The following SEMA3A variants were observed in gnomAD, a reference collection of about 807,000 sequenced individuals.
SEMA3A encodes semaphorin 3A.
Under a neutral mutation model 97.9 loss-of-function variants are expected in SEMA3A, and 29 were observed. The observed-to-expected ratio is 0.30, with a 90% CI of 0.22 to 0.40. SEMA3A has a LOEUF of 0.40. Among genes scored for constraint, SEMA3A ranks in the 10% least tolerant of loss-of-function variants. SEMA3A has a pLI of 1.00. For synonymous variants in SEMA3A, 321 were observed against 323.7 expected, an observed-to-expected ratio of 0.99 and a Z score of 0.09; for missense variants, 763 against 951.3, an observed-to-expected ratio of 0.80 and a Z score of 2.60.
chr7:84,415,234 T>TA (rs1477411832), intron 1 of SEMA3A, among the ~76,000 whole-genome samples: 1 of 152,070 alleles, frequency 6.6e-6, no homozygotes, highest in Non-Finnish European at 1.5e-5. Flanking sequence ...AAATCTGTGT[T>TA]AAAAAATCTG....
chr7:84,463,450 G>C (rs190052327), intron 1 of SEMA3A, among the ~76,000 whole-genome samples: 1 of 151,654 alleles, frequency 6.6e-6, no homozygotes, highest in Middle Eastern at 3.4e-3. Flanking sequence ...GGGTTTCACC[G>C]TGTTAGCCAG....
At chr7:84,316,130 CAAAAAAAAAAAAAAAAA>C (rs202005657) in intron 2 of SEMA3A, among the ~76,000 whole-genome samples, 3 of 30,226 alleles carry the variant, frequency 9.9e-5, no homozygotes, top group Non-Finnish European at 2.2e-4. Context: ...GACTCTATCT[CAAAAAAAAAAAAAAAAA>C]AAAAAAAAAA....
intron 12 of SEMA3A, among the ~76,000 whole-genome samples, chr7:83,990,934 A>T (rs1488340317): frequency 6.6e-6 from 1 of 152,106 alleles, no homozygotes; most frequent in African/African-American, 2.4e-5. Context: ...CACGATATTG[A>T]TTCTTCCTAC....
intron 3 of SEMA3A, among the ~76,000 whole-genome samples, chr7:84,268,262 T>C (rs1046418237): frequency 7.3e-5 from 11 of 150,546 alleles, no homozygotes; most frequent in Non-Finnish European, 1.5e-4. Flanking sequence ...TGTGTGTGTG[T>C]GTGTGTGTGT....
chr7:84,186,383 C>T (rs191238217), intron 1 of SEMA3A, among the ~76,000 whole-genome samples: 73 of 152,196 alleles, frequency 4.8e-4, no homozygotes, highest in South Asian at 1.7e-3. Flanking sequence ...AATAATGGTG[C>T]TTTTGTAAAT....
rs192042721 is a variant in SEMA3A at position 84,203,959 on chromosome 7, A to G, written c.-82-9291T>C. Among the ~76,000 whole-genome samples the G allele has an allele frequency of 1.4e-3, 218 of 152,254 alleles. 1 individual carries two copies. The highest frequency in any genetic ancestry group is 5.2e-3 in the African/African-American group (215 of 41,542). On this transcript the variant is annotated intron_variant, in intron 3 of 3. Coordinates refer to the SEMA3A transcript ENST00000424555. The stretch of plus-strand genomic sequence containing the variant: ...ACTACATTATAGTTCACAAAACAAA[A>G]TATGTTTAGTTTCTCCTTCAAAACA...
intron 1 of SEMA3A, among the ~76,000 whole-genome samples, chr7:84,411,776 T>A (rs967634616): frequency 9.2e-5 from 14 of 152,246 alleles, no homozygotes; most frequent in African/African-American, 3.4e-4. Flanking sequence ...AACAACAGTT[T>A]AGATTCAGGT....
chr7:84,199,729 C>CT (rs893750895), upstream of SEMA3A, among the ~76,000 whole-genome samples: 2 of 151,878 alleles, frequency 1.3e-5, no homozygotes, highest in Non-Finnish European at 2.9e-5. Context: ...TTGAACCTTT[C>CT]TTTTTTCTAA....
At chr7:84,091,373 G>T (rs549850367) in intron 4 of SEMA3A, among the ~76,000 whole-genome samples, 1 of 150,848 alleles carries the variant, frequency 6.6e-6, no homozygotes. Flanking sequence ...AGAAAGGAAG[G>T]AAGGAAGGAA....
At chr7:84,000,717 A>G (rs997422255) in intron 12 of SEMA3A, among the ~76,000 whole-genome samples, 3 of 152,170 alleles carry the variant, frequency 2.0e-5, no homozygotes, top group Non-Finnish European at 4.4e-5. Flanking sequence ...GTAGTTTGTT[A>G]TTACAAAACA....
At chr7:83,997,982 TGCCTCG>T (rs2116374774) in intron 12 of SEMA3A, among the ~76,000 whole-genome samples, 1 of 152,126 alleles carries the variant, frequency 6.6e-6, no homozygotes, top group Non-Finnish European at 1.5e-5. Flanking sequence ...GTGATTCGCA[TGCCTCG>T]GCCTCCCAAA....
chr7:84,139,974 T>G (rs1316787795), intron 1 of SEMA3A, among the ~76,000 whole-genome samples: 6 of 152,108 alleles, frequency 3.9e-5, no homozygotes, highest in African/African-American at 7.2e-5. Flanking sequence ...TCATAATCTC[T>G]AATGTATATT....
At chr7:84,345,482 C>G (rs757598772) in intron 2 of SEMA3A, among the ~76,000 whole-genome samples, 1 of 152,216 alleles carries the variant, frequency 6.6e-6, no homozygotes, top group Non-Finnish European at 1.5e-5. Flanking sequence ...ACTTTACACA[C>G]AGTAGAACTT....
chr7:84,325,601 A>G (rs1464185993), intron 2 of SEMA3A, among the ~76,000 whole-genome samples: 7 of 151,952 alleles, frequency 4.6e-5, no homozygotes, highest in African/African-American at 1.7e-4. Flanking sequence ...AGGGAGTATA[A>G]CCACCAAGAG....
At chr7:84,116,576 G>A (rs1396036309) in intron 3 of SEMA3A, among the ~76,000 whole-genome samples, 1 of 152,014 alleles carries the variant, frequency 6.6e-6, no homozygotes, top group African/African-American at 2.4e-5. Context: ...ACTCTATTTG[G>A]GGATTAGGGT....
At chr7:84,127,796 G>A (rs779538199) in intron 3 of SEMA3A, among the ~76,000 whole-genome samples, 2 of 151,978 alleles carry the variant, frequency 1.3e-5, no homozygotes, top group Non-Finnish European at 2.9e-5. Flanking sequence ...TCAAGTTGTC[G>A]CTTGAAAATA....
intron 3 of SEMA3A, among the ~76,000 whole-genome samples, chr7:84,253,445 T>C (rs1426871531): frequency 1.3e-5 from 2 of 152,116 alleles, no homozygotes; most frequent in East Asian, 3.9e-4. Context: ...GCAACTTTAA[T>C]GAGGTCAGTT....
chr7:84,120,347 T>A (rs1465753610), intron 3 of SEMA3A, among the ~76,000 whole-genome samples: 1 of 152,212 alleles, frequency 6.6e-6, no homozygotes, highest in Admixed American at 6.5e-5. Flanking sequence ...TTTGCTTGTT[T>A]AATTACTTGA....
intron 1 of SEMA3A, among the ~76,000 whole-genome samples, chr7:84,458,586 C>T (rs1475737453): frequency 6.6e-6 from 1 of 151,976 alleles, no homozygotes; most frequent in Non-Finnish European, 1.5e-5. Flanking sequence ...TTTTTGCCTT[C>T]CCTTTCTTTG....
Sources: gnomAD v4.1 joint callset for allele counts (sites outside exome capture counted in the v4.1 genomes callset) on GRCh38, gnomAD v4.1.1 for gene constraint, MANE v1.5 for transcripts, NCBI Gene and HGNC (gene_info 2026-07-23, HGNC 2026-07-21) for gene names.